The following KLF8 variants were observed in gnomAD, a reference collection of about 807,000 sequenced individuals.
The protein encoded by KLF8 is Krueppel-like factor 8.
In KLF8, 10 loss-of-function variants were observed where a neutral mutation model predicts 18.2. The observed-to-expected ratio is 0.55, with a 90% CI of 0.34 to 0.93. The LOEUF is 0.93. KLF8 is among the 40% of genes least tolerant of loss of function. The probability of loss-of-function intolerance (pLI) is 0.02; values close to 1 mark genes in which losing one functional copy is unlikely to be tolerated. For synonymous variants in KLF8, 109 were observed against 97.3 expected (o/e 1.12, Z -0.71); for missense variants, 264 against 277.9 (o/e 0.95, Z 0.36).
chrX:56,052,114 T>C, the KLF8 span, among the ~76,000 whole-genome samples: 5 of 111,983 alleles, frequency 4.5e-5, no homozygotes, highest in East Asian at 5.6e-4. Flanking sequence ...TGGTTTTCAG[T>C]TCCATCAGCT....
At chrX:56,114,165 A>G in the KLF8 span, among the ~76,000 whole-genome samples, 3 of 112,126 alleles carry the variant, frequency 2.7e-5, no homozygotes, top group East Asian at 8.5e-4. Flanking sequence ...CTGCTGTGCT[A>G]CACTGTGGGG....
chrX:56,137,270 A>C, the KLF8 span, among the ~76,000 whole-genome samples: 1 of 109,194 alleles, frequency 9.2e-6, no homozygotes, highest in East Asian at 2.9e-4. Flanking sequence ...TACCCAAAGG[A>C]CTATAAATCA....
chrX:56,098,019 A>AT, the KLF8 span, among the ~76,000 whole-genome samples: 1 of 111,120 alleles, frequency 9.0e-6, no homozygotes, highest in African/African-American at 3.3e-5. Flanking sequence ...TCATGGAGGC[A>AT]TATAACTACA....
chrX:56,230,935 C>T (rs776331102), upstream of KLF8, among the ~76,000 whole-genome samples: 1 of 110,561 alleles, frequency 9.0e-6, no homozygotes, highest in East Asian at 2.8e-4. Flanking sequence ...GGGGAGATGA[C>T]CTTGAGTTAG....
the KLF8 span, among the ~76,000 whole-genome samples, chrX:55,990,044 G>A: frequency 9.0e-6 from 1 of 111,142 alleles, no homozygotes; most frequent in Non-Finnish European, 1.9e-5. Flanking sequence ...GGGATCGGTG[G>A]TGATATCCCC....
upstream of KLF8, among the ~76,000 whole-genome samples, chrX:56,230,737 CTAT>C (rs754068373): frequency 5.4e-5 from 6 of 111,294 alleles, no homozygotes; most frequent in Non-Finnish European, 1.1e-4. Context: ...TGCTCAATAA[CTAT>C]TATTATTGTT....
At chrX:55,982,073 G>A in the KLF8 span, among the ~76,000 whole-genome samples, 1 of 110,728 alleles carries the variant, frequency 9.0e-6, no homozygotes, top group African/African-American at 3.3e-5. Flanking sequence ...GAGAATGATA[G>A]TGACTCTAGG....
At chrX:56,170,712 C>T in the KLF8 span, among the ~76,000 whole-genome samples, 3 of 110,497 alleles carry the variant, frequency 2.7e-5, no homozygotes, top group East Asian at 8.5e-4. Flanking sequence ...TTCAAAAGGG[C>T]AAATCAATAT....
At chrX:55,971,623 C>T in the KLF8 span, among the ~76,000 whole-genome samples, 4 of 110,024 alleles carry the variant, frequency 3.6e-5, no homozygotes, top group South Asian at 1.5e-3. Flanking sequence ...AAGAGACAAC[C>T]CACAAAATGA....
At chrX:55,997,126 G>A in the KLF8 span, among the ~76,000 whole-genome samples, 58 of 111,783 alleles carry the variant, frequency 5.2e-4, no homozygotes, top group Admixed American at 5.2e-3. Flanking sequence ...AAGTGCCCCT[G>A]GTGCAGCCAG....
the KLF8 span, among the ~76,000 whole-genome samples, chrX:56,195,888 C>A: frequency 8.9e-6 from 1 of 111,926 alleles, no homozygotes; most frequent in East Asian, 2.8e-4. Flanking sequence ...GATCTCCTGG[C>A]AGAAACCTTA....
At chrX:56,057,347 GGT>G in the KLF8 span, among the ~76,000 whole-genome samples, 1 of 111,175 alleles carries the variant, frequency 9.0e-6, no homozygotes, top group Non-Finnish European at 1.9e-5. Flanking sequence ...GAGAGAGGGT[GGT>G]GGTTTGTATA....
At chrX:56,165,607 C>T in the KLF8 span, among the ~76,000 whole-genome samples, 6 of 111,914 alleles carry the variant, frequency 5.4e-5, no homozygotes. Flanking sequence ...TGGCTCATGC[C>T]TGTAATCCCC....
the KLF8 span, among the ~76,000 whole-genome samples, chrX:56,186,549 C>A: frequency 9.0e-6 from 1 of 111,557 alleles, no homozygotes; most frequent in African/African-American, 3.3e-5. Flanking sequence ...ACAGAACTCT[C>A]CACCCCAAAT....
At chrX:56,213,528 G>C in the KLF8 span, among the ~76,000 whole-genome samples, 2 of 107,835 alleles carry the variant, frequency 1.9e-5, no homozygotes, top group African/African-American at 3.4e-5. Context: ...TCACCATGTT[G>C]ACCAGGCTGG....
the KLF8 span, among the ~76,000 whole-genome samples, chrX:56,077,414 C>T: frequency 8.9e-6 from 1 of 111,926 alleles, no homozygotes; most frequent in Non-Finnish European, 1.9e-5. Flanking sequence ...TTCCCCATTT[C>T]TTGTTTTTCT....
chrX:55,985,162 C>T, the KLF8 span, among the ~76,000 whole-genome samples: 1 of 111,438 alleles, frequency 9.0e-6, no homozygotes, highest in Admixed American at 9.5e-5. Context: ...GCTTTTGTCG[C>T]AATTGCTCTT....
At chrX:56,088,711 A>G in the KLF8 span, among the ~76,000 whole-genome samples, 1 of 111,371 alleles carries the variant, frequency 9.0e-6, no homozygotes, top group African/African-American at 3.3e-5. Flanking sequence ...ATTCTAACAG[A>G]TTTGACTCAT....
chrX:56,250,709 G>GT (rs2066696881), intron 2 of KLF8, among the ~76,000 whole-genome samples: 1 of 111,447 alleles, frequency 9.0e-6, no homozygotes, highest in Non-Finnish European at 1.9e-5. Flanking sequence ...TGTGTATGGT[G>GT]TATGTGTGTG....
Sources: allele counts gnomAD v4.1 joint callset (sites outside exome capture counted in the v4.1 genomes callset), GRCh38; gene constraint gnomAD v4.1.1; transcripts MANE v1.5; gene names NCBI Gene and HGNC (gene_info 2026-07-23, HGNC 2026-07-21).